ESRRG: variants seen among roughly 807,000 people sequenced by gnomAD.
The protein encoded by ESRRG is estrogen-related receptor gamma.
ESRRG carries 13 observed loss-of-function variants against 44.0 expected under a neutral mutation model. The observed-to-expected ratio is 0.30, with a 90% CI of 0.19 to 0.47. ESRRG has a LOEUF of 0.47. ESRRG is among the 20% of genes least tolerant of loss of function. The pLI, the probability that ESRRG is intolerant of heterozygous loss-of-function variation, is 1.00. For missense variants in ESRRG, 395 were observed against 580.6 expected, an observed-to-expected ratio of 0.68 and a Z score of 3.29; for synonymous variants, 215 against 214.6, an observed-to-expected ratio of 1.00 and a Z score of -0.02.
At chr1:216,605,222 A>C (rs776647675) in intron 3 of ESRRG, among the ~76,000 whole-genome samples, 1 of 152,226 alleles carries the variant, frequency 6.6e-6, no homozygotes, top group Non-Finnish European at 1.5e-5. Context: ...CGTGTGAACC[A>C]ATTTACTAAA....
intron 3 of ESRRG, among the ~76,000 whole-genome samples, chr1:216,574,848 G>T (rs1170207302): frequency 1.3e-5 from 2 of 152,104 alleles, no homozygotes; most frequent in Non-Finnish European, 2.9e-5. Context: ...AGGTAAAGAG[G>T]ACAGTAACTT....
intron 3 of ESRRG, among the ~76,000 whole-genome samples, chr1:216,586,581 CTTTTTT>C (rs752769234): frequency 8.1e-6 from 1 of 124,130 alleles, no homozygotes; most frequent in Admixed American, 8.4e-5. Flanking sequence ...AACTTTTGGG[CTTTTTT>C]TTTTTTTTTT....
chr1:217,045,536 G>A (rs2084716349), intron 1 of ESRRG, among the ~76,000 whole-genome samples: 1 of 152,204 alleles, frequency 6.6e-6, no homozygotes, highest in East Asian at 1.9e-4. Context: ...ATGATGAGAA[G>A]TCTCGAGCTT....
At chr1:216,973,632 G>T (rs1204933710) in intron 1 of ESRRG, among the ~76,000 whole-genome samples, 1 of 152,088 alleles carries the variant, frequency 6.6e-6, no homozygotes, top group Non-Finnish European at 1.5e-5. Flanking sequence ...TTCGAGACCA[G>T]CCTGACTAAC....
intron 2 of ESRRG, among the ~76,000 whole-genome samples, chr1:216,932,549 G>C (rs574471722): frequency 6.6e-6 from 1 of 152,036 alleles, no homozygotes; most frequent in South Asian, 2.1e-4. Context: ...GTGTGTGTTT[G>C]TGTGTATGTG....
chr1:216,823,236 T>G (rs924532775), intron 2 of ESRRG, among the ~76,000 whole-genome samples: 4 of 152,106 alleles, frequency 2.6e-5, no homozygotes, highest in African/African-American at 4.8e-5. Context: ...TAAGACTGGA[T>G]GCAAAGACCT....
chr1:216,548,005 G>A (rs1287525560), intron 5 of ESRRG, among the ~76,000 whole-genome samples: 3 of 152,026 alleles, frequency 2.0e-5, no homozygotes, highest in Non-Finnish European at 4.4e-5. Context: ...TATATATGGG[G>A]TTCCTTGAGC....
At chr1:216,541,561 A>AGTGTGT (rs34245595) in intron 5 of ESRRG, among the ~76,000 whole-genome samples, 7,323 of 130,288 alleles carry the variant, frequency 0.056, 301 homozygotes, top group Middle Eastern at 0.11. Flanking sequence ...TCTTTTGGTT[A>AGTGTGT]GTGTGTGTGT....
chr1:216,841,243 A>G (rs577746784), intron 2 of ESRRG, among the ~76,000 whole-genome samples: 6 of 151,812 alleles, frequency 4.0e-5, no homozygotes, highest in Non-Finnish European at 8.8e-5. Context: ...AGCACAGAGG[A>G]GAGAGAGAGA....
intron 1 of ESRRG, chr1:216,715,110 A>G: frequency 1.0e-6 from 1 of 985,436 alleles, no homozygotes; most frequent in Non-Finnish European, 1.2e-6. Context: ...GACTCCAAGA[A>G]CAGAATGAGC....
chr1:216,965,434 C>T (rs906835750), intron 1 of ESRRG, among the ~76,000 whole-genome samples: 7 of 152,178 alleles, frequency 4.6e-5, no homozygotes, highest in African/African-American at 1.4e-4. Context: ...CCACAATCAT[C>T]TCATCCCCAG....
At chr1:216,529,329 C>T (rs1489683606) in intron 5 of ESRRG, among the ~76,000 whole-genome samples, 1 of 152,006 alleles carries the variant, frequency 6.6e-6, no homozygotes, top group African/African-American at 2.4e-5. Context: ...TTATGGCTGG[C>T]TGAGAGTTTG....
At position 216,690,429 on chromosome 1, in the gene ESRRG, T is replaced by A. The variant is rs531179833; in HGVS notation, c.57-12938A>T. ...TATATACTGTAAAATTCTGTGATGT[T>A]CCAGAACAAGGAAAACTAATCATCA... On this transcript the variant is annotated intron_variant, in intron 1 of 6. Transcript: ENST00000408911. Among the ~76,000 whole-genome samples the A allele has an allele frequency of 1.5e-4, 23 of 152,216 alleles. No homozygotes were observed. In the South Asian group the frequency reaches 1.9e-3, roughly 12 times the overall value.
chr1:216,687,220 T>C (rs1377072588), intron 1 of ESRRG, among the ~76,000 whole-genome samples: 1 of 152,108 alleles, frequency 6.6e-6, no homozygotes, highest in Admixed American at 6.6e-5. Context: ...AGCTGGGGAA[T>C]GGGACTCTTG....
intron 1 of ESRRG, among the ~76,000 whole-genome samples, chr1:217,038,181 C>G (rs754084859): frequency 2.6e-5 from 4 of 152,226 alleles, no homozygotes; most frequent in Non-Finnish European, 4.4e-5. Context: ...AGAAGGGACT[C>G]TGTGTGGGGC....
At chr1:216,754,702 C>CT (rs202242433) in intron 2 of ESRRG, among the ~76,000 whole-genome samples, 6,522 of 121,190 alleles carry the variant, frequency 0.054, 197 homozygotes, top group African/African-American at 0.071. Flanking sequence ...AGAGAAAGAA[C>CT]TTTTTTTTTT....
At chr1:216,693,482 A>G (rs887509306) in intron 1 of ESRRG, among the ~76,000 whole-genome samples, 26 of 152,142 alleles carry the variant, frequency 1.7e-4, no homozygotes, top group Admixed American at 5.2e-4. Context: ...TGGGGGATTC[A>G]TTCTAGGACC....
intron 1 of ESRRG, among the ~76,000 whole-genome samples, chr1:216,940,058 C>T (rs993978291): frequency 1.3e-5 from 2 of 152,058 alleles, no homozygotes; most frequent in African/African-American, 2.4e-5. Flanking sequence ...TCTTCCAAGA[C>T]CAAGGGACTT....
chr1:216,851,504 G>A (rs952795361), intron 2 of ESRRG, among the ~76,000 whole-genome samples: 1 of 137,848 alleles, frequency 7.3e-6, no homozygotes, highest in Non-Finnish European at 1.7e-5. Context: ...TGAGATTAGT[G>A]CCCTTATAAA....
Sources: gnomAD v4.1 joint callset for allele counts (sites outside exome capture counted in the v4.1 genomes callset) on GRCh38, gnomAD v4.1.1 for gene constraint, MANE v1.5 for transcripts, NCBI Gene and HGNC (gene_info 2026-07-23, HGNC 2026-07-21) for gene names.